CSMD1: variants seen among roughly 807,000 people sequenced by gnomAD.
CSMD1 encodes the protein CUB and Sushi multiple domains 1, also known as CUB and sushi domain-containing protein 1.
A neutral mutation model predicts 417.5 loss-of-function variants in CSMD1; 213 were observed. The observed-to-expected ratio is 0.51, with a 90% confidence interval of 0.46 to 0.57. CSMD1 has a LOEUF of 0.57. Among genes scored for constraint, CSMD1 ranks in the 20% least tolerant of loss-of-function variants. CSMD1 has a pLI of 0.00. For synonymous variants in CSMD1, 2,862 were observed against 1,736.8 expected, an observed-to-expected ratio of 1.65 and a Z score of -16.11; for missense variants, 6,923 against 4,529.7, an observed-to-expected ratio of 1.53 and a Z score of -15.17.
chr8:3,920,184 C>G lies in CSMD1; in HGVS notation c.818+77719G>C, dbSNP rs370743893. ...GAGAAGCTGGGACTACAGGTGTGTG[C>G]CAGCATATCTGGCTAACTTTTCATA... On this transcript the variant is annotated intron_variant, in intron 5 of 69. Coordinates refer to ENST00000635120, the MANE Select transcript of CSMD1 (RefSeq NM_033225.6). 2.0e-5 allele frequency among the ~76,000 whole-genome samples: 3 copies of G among 152,140 alleles called. No homozygotes were observed. In the East Asian group the frequency reaches 5.8e-4, roughly 29 times the overall value.
chr8:4,592,817 C>T (rs769914894), intron 2 of CSMD1, among the ~76,000 whole-genome samples: 2 of 151,984 alleles, frequency 1.3e-5, no homozygotes, highest in Non-Finnish European at 2.9e-5. Flanking sequence ...ACGAAATATC[C>T]TGTTGTTTAA....
intron 18 of CSMD1, among the ~76,000 whole-genome samples, chr8:3,376,366 G>C (rs775329264): frequency 6.6e-6 from 1 of 151,936 alleles, no homozygotes; most frequent in Non-Finnish European, 1.5e-5. Context: ...GGGAAGGAAA[G>C]CATTGATTAT....
chr8:4,190,542 G>GT (rs202088366), intron 3 of CSMD1, among the ~76,000 whole-genome samples: 25,334 of 98,536 alleles, frequency 0.26, 2,263 homozygotes, highest in South Asian at 0.4. Context: ...ACACATATAA[G>GT]CTTTTTTTTT....
chr8:4,699,107 C>T (rs1807335724), intron 1 of CSMD1, among the ~76,000 whole-genome samples: 1 of 152,152 alleles, frequency 6.6e-6, no homozygotes, highest in Non-Finnish European at 1.5e-5. Context: ...TCTTCGCTTT[C>T]TCATTACTCA....
intron 2 of CSMD1, among the ~76,000 whole-genome samples, chr8:4,581,416 C>T (rs1799413223): frequency 6.6e-6 from 1 of 152,046 alleles, no homozygotes. Context: ...CAATTTTTAT[C>T]TTTTTGAGCT....
chr8:4,629,415 G>T (rs1166753740), intron 2 of CSMD1, among the ~76,000 whole-genome samples: 1 of 152,110 alleles, frequency 6.6e-6, no homozygotes, highest in East Asian at 1.9e-4. Context: ...TGGCACAAAT[G>T]TATTGTATTT....
At chr8:3,152,120 C>T (rs1019565087) in intron 39 of CSMD1, among the ~76,000 whole-genome samples, 4 of 152,162 alleles carry the variant, frequency 2.6e-5, no homozygotes, top group African/African-American at 7.2e-5. Context: ...TTTTCAATTT[C>T]GGAAGGCAGC....
chr8:3,327,983 T>G (rs114069376), intron 23 of CSMD1, among the ~76,000 whole-genome samples: 1 of 152,108 alleles, frequency 6.6e-6, no homozygotes, highest in Non-Finnish European at 1.5e-5. Flanking sequence ...CTGTGTATAA[T>G]TGGGGCATCT....
At chr8:4,201,714 G>A (rs1329127851) in intron 3 of CSMD1, among the ~76,000 whole-genome samples, 2 of 151,948 alleles carry the variant, frequency 1.3e-5, no homozygotes, top group Non-Finnish European at 2.9e-5. Context: ...GAAGAGCTAG[G>A]AAAAATAGTT....
intron 2 of CSMD1, among the ~76,000 whole-genome samples, chr8:4,476,435 C>T (rs1585138760): frequency 1.3e-5 from 2 of 152,064 alleles, no homozygotes; most frequent in Middle Eastern, 3.2e-3. Flanking sequence ...TAAATGTAGT[C>T]ATATATACAT....
intron 3 of CSMD1, among the ~76,000 whole-genome samples, chr8:4,228,888 G>T (rs545342638): frequency 6.6e-6 from 1 of 151,988 alleles, no homozygotes; most frequent in Non-Finnish European, 1.5e-5. Flanking sequence ...CCCCAAGTTG[G>T]CCAGGCTGGT....
intron 5 of CSMD1, among the ~76,000 whole-genome samples, chr8:3,956,238 A>C (rs1811937544): frequency 6.6e-6 from 1 of 152,158 alleles, no homozygotes; most frequent in African/African-American, 2.4e-5. Context: ...TGGTGTTGTT[A>C]ACTTTTTCAC....
intron 3 of CSMD1, among the ~76,000 whole-genome samples, chr8:4,186,388 C>G (rs963177952): frequency 6.6e-6 from 1 of 152,110 alleles, no homozygotes; most frequent in Non-Finnish European, 1.5e-5. Context: ...CATCTCTGCT[C>G]ACCCCAAGAC....
chr8:4,935,851 C>T lies in CSMD1; in HGVS notation c.85+58481G>A, dbSNP rs148162254. On this transcript the variant is annotated intron_variant, in intron 1 of 69. Coordinates refer to ENST00000635120, the MANE Select transcript of CSMD1 (RefSeq NM_033225.6). ...GCTGTTTACCAAAAGCAGATTCAAA[C>T]GTCTTCACATGAGAAGCAGAACTCA... is the stretch of plus-strand genomic sequence containing the variant. Among the ~76,000 whole-genome samples, 10 of 152,320 alleles carry T rather than the reference C, an allele frequency of 6.6e-5. 1 individual carries two copies. Among genetic ancestry groups the T allele is most frequent in the African/African-American group, 1.9e-4 (8 of 41,576 alleles).
At chr8:3,590,421 C>G (rs1403235092) in intron 8 of CSMD1, among the ~76,000 whole-genome samples, 2 of 152,150 alleles carry the variant, frequency 1.3e-5, no homozygotes, top group Non-Finnish European at 2.9e-5. Flanking sequence ...TCGGCTCTTA[C>G]TCTTCTCAGA....
intron 3 of CSMD1, among the ~76,000 whole-genome samples, chr8:4,176,526 A>G (rs1798050630): frequency 6.6e-6 from 1 of 152,064 alleles, no homozygotes; most frequent in Non-Finnish European, 1.5e-5. Context: ...TGACATATCA[A>G]TCACCATTCT....
chr8:4,875,156 C>T (rs974365924), intron 1 of CSMD1, among the ~76,000 whole-genome samples: 1 of 151,792 alleles, frequency 6.6e-6, no homozygotes, highest in Non-Finnish European at 1.5e-5. Context: ...TGTGCTCTGC[C>T]TACAAATCTT....
chr8:3,601,804 T>G (rs1801373591), intron 8 of CSMD1, among the ~76,000 whole-genome samples: 1 of 152,216 alleles, frequency 6.6e-6, no homozygotes, highest in East Asian at 1.9e-4. Context: ...GTTTAAAAAC[T>G]CTTCAGAATC....
At chr8:4,048,061 C>G (rs1798240111) in intron 3 of CSMD1, among the ~76,000 whole-genome samples, 1 of 152,092 alleles carries the variant, frequency 6.6e-6, no homozygotes, top group Non-Finnish European at 1.5e-5. Context: ...CATTCTTTTC[C>G]AAATATTTTG....
Sources: gnomAD v4.1 joint callset for allele counts (sites outside exome capture counted in the v4.1 genomes callset) on GRCh38, gnomAD v4.1.1 for gene constraint, MANE v1.5 for transcripts, NCBI Gene and HGNC (gene_info 2026-07-23, HGNC 2026-07-21) for gene names.